The following TNFRSF10D variants were observed in gnomAD, a reference collection of about 807,000 sequenced individuals.
TNFRSF10D encodes tumor necrosis factor receptor superfamily member 10D.
A neutral mutation model predicts 42.1 loss-of-function variants in TNFRSF10D; 28 were observed. That is an observed-to-expected ratio of 0.66 (90% CI 0.49 to 0.91). The LOEUF (loss-of-function observed/expected upper bound fraction) is 0.91, where lower values mean the gene tolerates loss of function less well. Ranked by LOEUF, TNFRSF10D falls within the 40% of genes least tolerant of loss-of-function variation. The pLI, the probability that TNFRSF10D is intolerant of heterozygous loss-of-function variation, is 0.00. For missense variants in TNFRSF10D, 503 were observed against 486.1 expected, an observed-to-expected ratio of 1.03 and a Z score of -0.33; for synonymous variants, 186 against 189.4, an observed-to-expected ratio of 0.98 and a Z score of 0.15.
chr8:23,149,925 G>T (rs1286613275), intron 2 of TNFRSF10D, among the ~76,000 whole-genome samples: 1 of 152,086 alleles, frequency 6.6e-6, no homozygotes, highest in Non-Finnish European at 1.5e-5. Flanking sequence ...AAGGTTCCAC[G>T]AGGGCAGGGC....
Position 23,135,768 on chromosome 8 carries a change from C to A in TNFRSF10D, c.*2102G>T. ...CTTATGTTAAAGGAATAAGCTTAAA[C>A]ACTGATAAGGCTGGTAGTCTAGATG... On this transcript the variant is annotated 3_prime_UTR_variant, in exon 9 of 9. Transcript: ENST00000312584. 5.1e-6 allele frequency: 2 copies of A among 389,960 alleles called. No individual in the cohort carries two copies. Among genetic ancestry groups the A allele is most frequent in the Admixed American group, 3.1e-5 (1 of 32,748 alleles). The allele number at this position is 389,960 out of a possible 1,614,324, so 24.2% of individuals were successfully genotyped here. A position where few individuals can be genotyped will look rare whatever the true frequency, so the allele number is the denominator to read the frequency against.
intron 5 of TNFRSF10D, among the ~76,000 whole-genome samples, chr8:23,145,299 T>C (rs2128836698): frequency 6.6e-6 from 1 of 152,070 alleles, no homozygotes; most frequent in South Asian, 2.1e-4. Flanking sequence ...ACGTGGAAAA[T>C]CTCTGTGTTC....
At chr8:23,156,469 G>T (rs183719820) in intron 1 of TNFRSF10D, among the ~76,000 whole-genome samples, 11 of 152,112 alleles carry the variant, frequency 7.2e-5, no homozygotes, top group Middle Eastern at 3.4e-3. Context: ...TAGAGCTGGG[G>T]TCCCTCTAGG....
chr8:23,146,014 G>A, intron 4 of TNFRSF10D, 93 bp from the exon 5 acceptor site: 2 of 1,572,044 alleles, frequency 1.3e-6, no homozygotes, highest in Middle Eastern at 2.3e-4. Flanking sequence ...CAAAGTCCCT[G>A]AGAAGGCGTC....
Position 23,147,075 on chromosome 8 carries a change from G to C in TNFRSF10D, c.371-3C>G. ...ACAGGAACTTTTATTTGTTTGACCTGACAACAGAGCATAAGGTTTTGAGAA... is the reference window on the plus strand; with the variant it reads ...ACAGGAACTTTTATTTGTTTGACCTCACAACAGAGCATAAGGTTTTGAGAA... On this transcript the variant is annotated splice_polypyrimidine_tract_variant and splice_region_variant and intron_variant, in intron 3 of 8. Coordinates refer to ENST00000312584, the MANE Select transcript of TNFRSF10D (RefSeq NM_003840.5). 1 of 1,611,760 alleles carries C rather than the reference G, an allele frequency of 6.2e-7. No homozygotes were observed. The highest frequency in any genetic ancestry group is 8.5e-7 in the Non-Finnish European group (1 of 1,178,004).
At chr8:23,153,764 T>C (rs551698422) in intron 2 of TNFRSF10D, among the ~76,000 whole-genome samples, 1 of 152,302 alleles carries the variant, frequency 6.6e-6, no homozygotes, top group South Asian at 2.1e-4. Flanking sequence ...ACTGGTACAC[T>C]GTTGGTGGGA....
chr8:23,148,602 G>T, intron 2 of TNFRSF10D, 51 bp from the exon 3 acceptor site: 1 of 1,354,522 alleles, frequency 7.4e-7, no homozygotes, highest in Non-Finnish European at 1.0e-6. Flanking sequence ...AATTCCCAGA[G>T]GCTGACAATG....
chr8:23,145,196 A>T, intron 5 of TNFRSF10D, 107 bp from the exon 6 acceptor site: 1 of 1,438,762 alleles, frequency 7.0e-7, no homozygotes, highest in Non-Finnish European at 9.5e-7. Flanking sequence ...ACACTGGACA[A>T]GGAGCCCTGG....
intron 2 of TNFRSF10D, 126 bp downstream of exon 2, chr8:23,154,748 G>A: frequency 9.5e-7 from 1 of 1,055,990 alleles, no homozygotes; most frequent in South Asian, 1.5e-5. Flanking sequence ...ATAAGTATGT[G>A]AATTAGCTTG....
At chr8:23,143,817 T>C (rs1800067242) in intron 7 of TNFRSF10D, among the ~76,000 whole-genome samples, 1 of 152,016 alleles carries the variant, frequency 6.6e-6, no homozygotes, top group Non-Finnish European at 1.5e-5. Context: ...TCTTTAAAAG[T>C]CCACAAAAAA....
chr8:23,159,218 G>A (rs1343568361), intron 1 of TNFRSF10D, among the ~76,000 whole-genome samples: 1 of 151,990 alleles, frequency 6.6e-6, no homozygotes, highest in East Asian at 1.9e-4. Context: ...CACCCACCTG[G>A]GCAGGACTAT....
At chr8:23,141,757 A>T (rs1800022989) in intron 7 of TNFRSF10D, among the ~76,000 whole-genome samples, 1 of 152,148 alleles carries the variant, frequency 6.6e-6, no homozygotes, top group Non-Finnish European at 1.5e-5. Context: ...GCAAATCAAA[A>T]CTACAGTGGG....
At position 23,163,921 on chromosome 8, in the gene TNFRSF10D, TC is replaced by T; in HGVS notation, c.14del (p.Gly5AspfsTer195). 6.3e-7 allele frequency: 1 copy of T among 1,576,028 alleles called. No homozygotes were observed. The highest frequency in any genetic ancestry group is 1.2e-5 in the South Asian group (1 of 86,738). Reference protein sequence around the residue: MGLWGQSVPTASSAR... With the variant: MGLWXQSVPTASSAR... ...CGCTCGAGGCGGTCGGGACGCTTTGTCCCCAAAGTCCCATGAGAAGGGAGGA... is the reference window on the plus strand; with the variant it reads ...CGCTCGAGGCGGTCGGGACGCTTTGTCCCAAAGTCCCATGAGAAGGGAGGA... On this transcript the variant is annotated frameshift_variant, in exon 1 of 9. Transcript: ENST00000312584. LOFTEE classifies it high-confidence loss of function.
intron 4 of TNFRSF10D, among the ~76,000 whole-genome samples, chr8:23,146,198 G>A (rs1800117561): frequency 6.6e-6 from 1 of 152,210 alleles, no homozygotes; most frequent in African/African-American, 2.4e-5. Context: ...GGGCTGCAGG[G>A]GAGGCCTGCG....
intron 7 of TNFRSF10D, among the ~76,000 whole-genome samples, chr8:23,140,052 G>A (rs1032966795): frequency 6.6e-6 from 1 of 152,184 alleles, no homozygotes; most frequent in Non-Finnish European, 1.5e-5. Context: ...CACTTTGGGA[G>A]GCCAAGGAGG....
At chr8:23,150,576 A>T (rs1401159785) in intron 2 of TNFRSF10D, among the ~76,000 whole-genome samples, 1 of 152,266 alleles carries the variant, frequency 6.6e-6, no homozygotes, top group Non-Finnish European at 1.5e-5. Flanking sequence ...CATTTACAAC[A>T]GCCTGACAAA....
chr8:23,135,836 G>A lies in TNFRSF10D; in HGVS notation c.*2034C>T, dbSNP rs1055879182. On this transcript the variant is annotated 3_prime_UTR_variant, in exon 9 of 9. Transcript: ENST00000312584. ...TCTGAGGAAGGGACAAAGGAGCTGG[G>A]ACCGGACTGGCTCTCTCTGAGCTTT... 2.2e-6 allele frequency: 1 copy of A among 447,260 alleles called. No homozygotes were observed. The highest frequency in any genetic ancestry group is 2.0e-5 in the African/African-American group (1 of 49,830). The allele number at this position is 447,260 out of a possible 1,614,324, so 27.7% of individuals were successfully genotyped here.
chr8:23,140,189 T>C (rs774220190), intron 7 of TNFRSF10D, among the ~76,000 whole-genome samples: 6 of 152,090 alleles, frequency 3.9e-5, no homozygotes, highest in African/African-American at 4.8e-5. Context: ...CTGGGGAGGC[T>C]GAGGCAGGAG....
chr8:23,144,530 C>A lies in TNFRSF10D; in HGVS notation c.874G>T (p.Glu292Ter), dbSNP rs1419387823. 6.2e-7 allele frequency: 1 copy of A among 1,614,206 alleles called. No individual in the cohort carries two copies. The highest frequency in any genetic ancestry group is 2.2e-5 in the East Asian group (1 of 44,882). ...AGCTCCTGACCTTGGATTTCCTGCT[C>A]AGAGACCTGGGTGGGCTGCAAGTAT... ...NRYLQPTQVS[E>*]QEIQGQELAE... Residue 292 changes from glutamate (E) to a stop codon, truncating the protein, a stop_gained, in exon 7 of 9, where the codon GAG (glutamate) becomes TAG (stop). Coordinates refer to ENST00000312584, the MANE Select transcript of TNFRSF10D (RefSeq NM_003840.5). LOFTEE classifies it high-confidence loss of function.
Sources: gnomAD v4.1 joint callset for allele counts (sites outside exome capture counted in the v4.1 genomes callset) on GRCh38, gnomAD v4.1.1 for gene constraint, MANE v1.5 for transcripts, NCBI Gene and HGNC (gene_info 2026-07-23, HGNC 2026-07-21) for gene names.